SYNE2: variants seen among roughly 807,000 people sequenced by gnomAD.
The protein encoded by SYNE2 is spectrin repeat containing nuclear envelope protein 2.
In SYNE2, 431 loss-of-function variants were observed where a neutral mutation model predicts 856.3. That is an observed-to-expected ratio of 0.50 (90% CI 0.47 to 0.55). SYNE2 has a LOEUF of 0.55. SYNE2 is among the 20% of genes least tolerant of loss of function. SYNE2 has a pLI of 0.00. For missense variants in SYNE2, 8,129 were observed against 8,023.2 expected, an observed-to-expected ratio of 1.01 and a Z score of -0.50; for synonymous variants, 2,923 against 2,872.3, an observed-to-expected ratio of 1.02 and a Z score of -0.56.
chr14:64,062,530 G>T (rs188218404), intron 49 of SYNE2, among the ~76,000 whole-genome samples: 96 of 152,184 alleles, frequency 6.3e-4, no homozygotes, highest in Non-Finnish European at 1.2e-3. Context: ...TTTAGAGGAC[G>T]GCCCTTGCTT....
At chr14:63,828,124 G>A (rs1043175242) in intron 1 of SYNE2, among the ~76,000 whole-genome samples, 1 of 151,970 alleles carries the variant, frequency 6.6e-6, no homozygotes, top group Admixed American at 6.6e-5. Context: ...TTGAGCCCAG[G>A]AGGTTGAGGC....
intron 1 of SYNE2, among the ~76,000 whole-genome samples, chr14:63,766,439 C>T (rs1476857464): frequency 2.0e-5 from 3 of 152,090 alleles, no homozygotes; most frequent in Non-Finnish European, 1.5e-5. Flanking sequence ...ACTTGTTTGC[C>T]TGAAAGTAAA....
At chr14:63,814,805 T>C (rs1888820820) in intron 1 of SYNE2, among the ~76,000 whole-genome samples, 1 of 125,104 alleles carries the variant, frequency 8.0e-6, no homozygotes, top group African/African-American at 3.0e-5. Context: ...TATCCATATA[T>C]ATCCATATAT....
In SYNE2 at chr14:63,990,490, T is replaced by G. The variant is rs1300177251; in HGVS notation, c.2393T>G (p.Ile798Ser). 1 of 1,613,784 alleles carries G rather than the reference T, an allele frequency of 6.2e-7. No individual in the cohort carries two copies. ...EDMLQMDIQN[I>S]SSQESFQHVL... ...ATGTTACAAATGGATATACAAAATA[T>G]TTCAAGCCAGGAGTCCTTTCAACAT... The change falls in exon 20 of 116, where the codon ATT becomes AGT. Residue 798 changes from isoleucine to serine, a missense_variant. Physicochemically the swap from Ile to Ser is moderately radical, Grantham distance 142. Coordinates refer to ENST00000555002, the MANE Select transcript of SYNE2 (RefSeq NM_182914.3).
intron 100 of SYNE2, among the ~76,000 whole-genome samples, chr14:64,204,156 C>T (rs182912991): frequency 7.9e-5 from 12 of 152,324 alleles, no homozygotes; most frequent in Admixed American, 7.8e-4. Context: ...GAACTTTAAG[C>T]ATGTCTTTTT....
intron 1 of SYNE2, among the ~76,000 whole-genome samples, chr14:63,775,188 C>T (rs1887064834): frequency 6.6e-6 from 1 of 152,056 alleles, no homozygotes; most frequent in South Asian, 2.1e-4. Context: ...GTTGGTCTGG[C>T]TGGACTCAAA....
At chr14:64,037,133 CTTTT>C (rs757996897) in intron 45 of SYNE2, among the ~76,000 whole-genome samples, 8 of 138,204 alleles carry the variant, frequency 5.8e-5, no homozygotes, top group Non-Finnish European at 1.1e-4. Flanking sequence ...ACTGTCTCCT[CTTTT>C]TTTTTTTTTT....
At chr14:63,897,589 A>G (rs921333738) in intron 1 of SYNE2, among the ~76,000 whole-genome samples, 2 of 152,226 alleles carry the variant, frequency 1.3e-5, no homozygotes, top group Admixed American at 6.5e-5. Context: ...AGATGTGAGA[A>G]CATCTTTGCT....
At chr14:64,047,522 G>A (rs2097194983) in intron 45 of SYNE2, among the ~76,000 whole-genome samples, 1 of 152,180 alleles carries the variant, frequency 6.6e-6, no homozygotes, top group Admixed American at 6.5e-5. Flanking sequence ...GCATGGAGGT[G>A]GGGTTTCACT....
chr14:63,809,446 G>A (rs1888526050), intron 1 of SYNE2, among the ~76,000 whole-genome samples: 2 of 152,108 alleles, frequency 1.3e-5, no homozygotes, highest in Non-Finnish European at 1.5e-5. Context: ...TTGCCTCATT[G>A]TGGTCTATGA....
chr14:64,043,636 G>A (rs1467517963), intron 45 of SYNE2, among the ~76,000 whole-genome samples: 1 of 152,250 alleles, frequency 6.6e-6, no homozygotes, highest in Non-Finnish European at 1.5e-5. Flanking sequence ...TGGCTTCAGA[G>A]TGTGCAAGCC....
Position 64,128,474 on chromosome 14 carries a change from A to G in SYNE2, c.13940A>G (p.His4647Arg). The G allele has an allele frequency of 6.3e-7, 1 of 1,592,100 alleles. No homozygotes were observed. The highest frequency in any genetic ancestry group is 8.6e-7 in the Non-Finnish European group (1 of 1,159,984). Residue 4647 changes from histidine to arginine, a missense_variant, in exon 74 of 116, where the codon CAT becomes CGT. Physicochemically the swap from His to Arg is conservative, Grantham distance 29. Transcript: ENST00000555002. Reference protein sequence around the residue: ...SYQNEIKRLYHQLIKSKTSLQ... With the variant: ...SYQNEIKRLYRQLIKSKTSLQ... ...CAGAATGAAATAAAGAGATTATATC[A>G]TCAGCTCATTAAGAGTAAGACATCT...
At chr14:63,934,425 T>C (rs2095803980) in intron 2 of SYNE2, among the ~76,000 whole-genome samples, 3 of 152,036 alleles carry the variant, frequency 2.0e-5, no homozygotes, top group Admixed American at 6.6e-5. Context: ...ATGTGCTCCA[T>C]TTGAACAATC....
rs199712342 is a variant in SYNE2, at chr14:63,941,978, T to C, written c.315+16T>C. 2.5e-6 allele frequency: 4 copies of C among 1,609,214 alleles called. No homozygotes were observed. The highest frequency in any genetic ancestry group is 2.2e-5 in the East Asian group (1 of 44,830). ...AAACCGATCAGTAAGTATAAATTTT[T>C]CTTAAAAATTCACAGGAGAGATTAA... On this transcript the variant is annotated intron_variant, in intron 5 of 115. Coordinates refer to ENST00000555002, the MANE Select transcript of SYNE2 (RefSeq NM_182914.3).
chr14:63,765,343 G>A (rs764423002), intron 1 of SYNE2, among the ~76,000 whole-genome samples: 58 of 151,986 alleles, frequency 3.8e-4, no homozygotes, highest in Non-Finnish European at 2.2e-4. Flanking sequence ...ACTCATATGC[G>A]ATAGACTTGT....
At chr14:63,951,113 C>T (rs888311806) in intron 7 of SYNE2, among the ~76,000 whole-genome samples, 1 of 151,928 alleles carries the variant, frequency 6.6e-6, no homozygotes, top group African/African-American at 2.4e-5. Flanking sequence ...AAAATAAGGA[C>T]TGTAGATTCA....
chr14:64,108,451 G>T lies in SYNE2; in HGVS notation c.12609+844G>T, dbSNP rs767837547. Among the ~76,000 whole-genome samples, 202 of 152,076 alleles carry T rather than the reference G, an allele frequency of 1.3e-3. 6 individuals are homozygous for T. The highest frequency in any genetic ancestry group is 2.9e-4 in the Non-Finnish European group (20 of 68,002). Reference sequence around the variant, plus strand: ...ATCTGGCTTCCTAATTTGGAATCTTGTACCTCAGTTGTTCTCAATAAGGCC... The same window carrying T: ...ATCTGGCTTCCTAATTTGGAATCTTTTACCTCAGTTGTTCTCAATAAGGCC... On this transcript the variant is annotated intron_variant, in intron 65 of 115. Coordinates refer to ENST00000555002, the MANE Select transcript of SYNE2 (RefSeq NM_182914.3).
At chr14:63,775,650 G>A (rs1887081655) in intron 1 of SYNE2, among the ~76,000 whole-genome samples, 1 of 152,026 alleles carries the variant, frequency 6.6e-6, no homozygotes, top group Non-Finnish European at 1.5e-5. Flanking sequence ...ATGTTACCAC[G>A]GCTCACTGCA....
chr14:64,167,356 C>T lies in SYNE2; in HGVS notation c.16729C>T (p.Arg5577Trp), dbSNP rs139218000. 1.2e-5 allele frequency: 20 copies of T among 1,614,068 alleles called. No homozygotes were observed. In the African/African-American group the frequency reaches 2.1e-4, roughly 17 times the overall value. The stretch of plus-strand genomic sequence containing the variant: ...ACAAAATATGAACCGGCAATGGATT[C>T]GGGCCACGGCCACGGCACTGGAGCG... ...TLQNMNRQWI[R>W]ATATALERCS... The change falls in exon 91 of 116, where the codon CGG (arginine) becomes TGG (tryptophan). Residue 5577 changes from arginine (R) to tryptophan (W), a missense_variant. Coordinates refer to ENST00000555002, the MANE Select transcript of SYNE2 (RefSeq NM_182914.3).
Sources: allele counts gnomAD v4.1 joint callset (sites outside exome capture counted in the v4.1 genomes callset), GRCh38; gene constraint gnomAD v4.1.1; transcripts MANE v1.5; gene names NCBI Gene and HGNC (gene_info 2026-07-23, HGNC 2026-07-21).